The following ZNF320 variants were observed in gnomAD, a reference collection of about 807,000 sequenced individuals.
The protein encoded by ZNF320 is zinc finger gene 320.
Under a neutral mutation model 6.8 loss-of-function variants are expected in ZNF320, and 2 were observed. That is an observed-to-expected ratio of 0.29 (90% CI 0.12 to 0.93). ZNF320 has a LOEUF of 0.93. Among genes scored for constraint, ZNF320 ranks in the 40% least tolerant of loss-of-function variants. The pLI, the probability that ZNF320 is intolerant of heterozygous loss-of-function variation, is 0.55. For missense variants in ZNF320, 472 were observed against 611.0 expected (o/e 0.77, Z 2.40); for synonymous variants, 208 against 203.2 (o/e 1.02, Z -0.20).
Position 52,885,356 on chromosome 19 carries a change from G to A in ZNF320, c.142+2771C>T, listed in dbSNP as rs191336904. On this transcript the variant is annotated intron_variant, in intron 5 of 5. Coordinates refer to ENST00000682928, the MANE Select transcript of ZNF320 (RefSeq NM_001351774.2). The stretch of plus-strand genomic sequence containing the variant: ...AGCACTTTGGGAGGGCAAGCCAGGC[G>A]GATCACCTGGGGTCAAGGGTTCGAG... Among the ~76,000 whole-genome samples, 15 of 152,218 alleles carry A rather than the reference G, an allele frequency of 9.9e-5. No individual in the cohort carries two copies. In the East Asian group the frequency reaches 1.2e-3, roughly 12 times the overall value.
exon 6 of ZNF320, chr19:52,861,892 G>T: frequency 2.8e-6 from 1 of 361,540 alleles, no homozygotes. Context: ...TTGTGAACGT[G>T]AAGTAAAGAC....
chr19:52,901,209 A>C (rs774214255), upstream of ZNF320, among the ~76,000 whole-genome samples: 1 of 152,204 alleles, frequency 6.6e-6, no homozygotes, highest in Non-Finnish European at 1.5e-5. Context: ...TTTCTTTTAG[A>C]ATCCTGGTAC....
At chr19:52,872,474 C>T (rs756767395), downstream of ZNF320, among the ~76,000 whole-genome samples, 1 of 152,140 alleles carries the variant, frequency 6.6e-6, no homozygotes, top group Non-Finnish European at 1.5e-5. Flanking sequence ...CCTGCACCGG[C>T]ATCGACCTCT....
At chr19:52,870,009 C>T (rs760738908) in intron 5 of ZNF320, among the ~76,000 whole-genome samples, 23 of 151,934 alleles carry the variant, frequency 1.5e-4, no homozygotes, top group Non-Finnish European at 1.9e-4. Flanking sequence ...AGCCACAGCG[C>T]CCATCCTAAA....
At chr19:52,892,596 C>G (rs1187930080) in intron 2 of ZNF320, among the ~76,000 whole-genome samples, 1 of 152,080 alleles carries the variant, frequency 6.6e-6, no homozygotes, top group Non-Finnish European at 1.5e-5. Context: ...ACTAAAAATA[C>G]AAAAATTAGC....
the ZNF320 span, among the ~76,000 whole-genome samples, chr19:52,903,380 C>T: frequency 6.6e-6 from 1 of 151,996 alleles, no homozygotes; most frequent in South Asian, 2.1e-4. Context: ...CTTTTCTTGC[C>T]TCTGCCAGCC....
chr19:52,892,745 C>T (rs371835689), intron 2 of ZNF320, among the ~76,000 whole-genome samples: 4,642 of 151,086 alleles, frequency 0.031, 131 homozygotes, highest in Non-Finnish European at 0.039. Flanking sequence ...TTGTCTCTTC[C>T]TTGTTATACC....
At chr19:52,860,443 G>C (rs865899500), downstream of ZNF320, among the ~76,000 whole-genome samples, 10 of 151,850 alleles carry the variant, frequency 6.6e-5, 1 homozygote, top group Middle Eastern at 0.014. Context: ...TACTGAAAAT[G>C]CAACAATTAG....
rs1194259464 is a variant in ZNF320 at position 52,881,660 on chromosome 19, T to A, written c.466A>T (p.Thr156Ser). The stretch of plus-strand genomic sequence containing the variant: ...TCACATTTGTAAGGTTTCTCTCCAG[T>A]ATGAATTCTCCTATGTCTTCGCAAA... Reference protein sequence around the residue: ...LHLRRHRRIHTGEKPYKCEEC... With the variant: ...LHLRRHRRIHSGEKPYKCEEC... Residue 156 changes from threonine (T) to serine (S), a missense_variant, in exon 6 of 6, where the codon ACT becomes TCT. By Grantham distance (58) the Thr-to-Ser change is moderately conservative. This residue lies in a region of ZNF320 where 462 missense variants were observed against 559.7 expected (regional missense o/e 0.83). Transcript: ENST00000682928. 6.2e-7 allele frequency: 1 copy of A among 1,614,020 alleles called. No homozygotes were observed. Among genetic ancestry groups the A allele is most frequent in the Non-Finnish European group, 8.5e-7 (1 of 1,179,910 alleles).
chr19:52,860,597 C>CAAAAAAAAAAAA (rs113315558), downstream of ZNF320, among the ~76,000 whole-genome samples: 3 of 118,802 alleles, frequency 2.5e-5, no homozygotes, highest in Non-Finnish European at 5.2e-5. Flanking sequence ...GAAACGGCAT[C>CAAAAAAAAAAAA]AAAAAAAAAA....
exon 6 of ZNF320, chr19:52,862,617 G>A: frequency 2.0e-6 from 1 of 493,214 alleles, no homozygotes; most frequent in Non-Finnish European, 3.6e-6. Flanking sequence ...ATTGCTTGAT[G>A]GTGAATAGGC....
upstream of ZNF320, among the ~76,000 whole-genome samples, chr19:52,900,160 C>T (rs753376167): frequency 9.9e-5 from 15 of 152,270 alleles, no homozygotes; most frequent in Non-Finnish European, 1.8e-4. Context: ...TGGGGGCCGT[C>T]TAGTCCTGGT....
intron 4 of ZNF320, among the ~76,000 whole-genome samples, chr19:52,888,864 T>C (rs560645559): frequency 1.3e-5 from 2 of 152,228 alleles, no homozygotes; most frequent in South Asian, 2.1e-4. Context: ...TGTATGCATA[T>C]ACATATATAG....
chr19:52,887,498 T>C (rs2064132234), intron 5 of ZNF320, among the ~76,000 whole-genome samples: 1 of 152,222 alleles, frequency 6.6e-6, no homozygotes, highest in Admixed American at 6.5e-5. Flanking sequence ...ATATGTAATA[T>C]GTGGACATCG....
intron 5 of ZNF320, among the ~76,000 whole-genome samples, chr19:52,886,541 C>T (rs1280341256): frequency 2.0e-5 from 3 of 152,178 alleles, no homozygotes; most frequent in East Asian, 3.8e-4. Flanking sequence ...TTCACTTCTG[C>T]GTACTGAACG....
chr19:52,859,665 T>C (rs983093367), downstream of ZNF320, among the ~76,000 whole-genome samples: 5 of 152,114 alleles, frequency 3.3e-5, no homozygotes, highest in African/African-American at 2.4e-5. Context: ...GACCAGTGCA[T>C]AGGCTGCGGC....
upstream of ZNF320, among the ~76,000 whole-genome samples, chr19:52,900,846 A>G (rs1256727497): frequency 6.6e-6 from 1 of 152,060 alleles, no homozygotes; most frequent in Non-Finnish European, 1.5e-5. Context: ...CTTTTTAAGT[A>G]GCCCAAATGA....
chr19:52,890,666 G>A (rs969325500), intron 3 of ZNF320, among the ~76,000 whole-genome samples: 5 of 152,076 alleles, frequency 3.3e-5, no homozygotes, highest in African/African-American at 1.2e-4. Context: ...GAGCTCAGGA[G>A]TTTGTGACTA....
intron 5 of ZNF320, among the ~76,000 whole-genome samples, chr19:52,870,380 G>A (rs751259179): frequency 7.3e-5 from 11 of 150,788 alleles, no homozygotes; most frequent in Non-Finnish European, 1.6e-4. Context: ...TCAGGAGGCT[G>A]AGGCAGGAGA....
Sources: allele counts gnomAD v4.1 joint callset (sites outside exome capture counted in the v4.1 genomes callset), GRCh38; gene constraint gnomAD v4.1.1; regional missense constraint gnomAD v4.1.1; transcripts MANE v1.5; gene names NCBI Gene and HGNC (gene_info 2026-07-23, HGNC 2026-07-21).